The following MAP3K20 variants were observed in gnomAD, a reference collection of about 807,000 sequenced individuals.
The protein encoded by MAP3K20 is mitogen-activated protein kinase kinase kinase 20, also known as HCCS-4.
MAP3K20 carries 40 observed loss-of-function variants against 85.7 expected under a neutral mutation model. That is an observed-to-expected ratio of 0.47 (90% CI 0.36 to 0.61). The LOEUF is 0.61. Among genes scored for constraint, MAP3K20 ranks in the 20% least tolerant of loss-of-function variants. The probability of loss-of-function intolerance (pLI) is 0.00; values close to 1 mark genes in which losing one functional copy is unlikely to be tolerated. For missense variants in MAP3K20, 817 were observed against 961.7 expected (o/e 0.85, Z 1.99); for synonymous variants, 325 against 327.7 (o/e 0.99, Z 0.09).
chr2:173,218,692 C>A (rs1385466319), intron 11 of MAP3K20, among the ~76,000 whole-genome samples: 1 of 152,238 alleles, frequency 6.6e-6, no homozygotes, highest in African/African-American at 2.4e-5. Context: ...TAAAGCATTG[C>A]ATGGCTTGAC....
chr2:173,239,310 A>G (rs753557954), intron 15 of MAP3K20, 94 bp from the exon 16 acceptor site: 17 of 524,672 alleles, frequency 3.2e-5, no homozygotes, highest in Admixed American at 5.0e-5. Flanking sequence ...ATTAGAATAG[A>G]AAAAAAAAAA....
intron 2 of MAP3K20, among the ~76,000 whole-genome samples, chr2:173,132,454 G>A (rs556577174): frequency 2.6e-5 from 4 of 152,090 alleles, no homozygotes; most frequent in Admixed American, 6.5e-5. Context: ...GTGCTTTTTC[G>A]GACTCCAGCT....
At chr2:173,221,397 A>T (rs1348131240) in intron 11 of MAP3K20, 1 of 1,614,106 alleles carries the variant, frequency 6.2e-7, no homozygotes, top group East Asian at 2.2e-5. Context: ...AATTCTTCCA[A>T]AACCACATCT....
intron 11 of MAP3K20, 57 bp downstream of exon 11, chr2:173,217,307 A>G: frequency 7.3e-7 from 1 of 1,372,024 alleles, no homozygotes. Flanking sequence ...TGCGCAGCTG[A>G]GCATGGCAGC....
intron 11 of MAP3K20, chr2:173,221,898 T>G (rs1684262162): frequency 1.0e-6 from 1 of 993,286 alleles, no homozygotes; most frequent in African/African-American, 1.7e-5. Context: ...TTTTAAAAAC[T>G]TACATTTTGA....
At chr2:173,228,850 G>A (rs1684453095) in intron 11 of MAP3K20, among the ~76,000 whole-genome samples, 1 of 152,072 alleles carries the variant, frequency 6.6e-6, no homozygotes, top group Admixed American at 6.5e-5. Flanking sequence ...GAAAATATTT[G>A]TAACAGAAGA....
At chr2:173,114,145 C>G (rs2106178451) in intron 2 of MAP3K20, among the ~76,000 whole-genome samples, 1 of 151,928 alleles carries the variant, frequency 6.6e-6, no homozygotes, top group East Asian at 1.9e-4. Context: ...ATCTAATGTC[C>G]CTCTTTGTCT....
intron 2 of MAP3K20, among the ~76,000 whole-genome samples, chr2:173,141,510 A>G (rs541848806): frequency 6.6e-6 from 1 of 152,314 alleles, no homozygotes; most frequent in South Asian, 2.1e-4. Flanking sequence ...ACAGATTAAT[A>G]TAATTTATCA....
intron 11 of MAP3K20, chr2:173,225,741 A>G: frequency 3.0e-6 from 3 of 985,360 alleles, no homozygotes; most frequent in Non-Finnish European, 3.6e-6. Flanking sequence ...ATGTATTTTT[A>G]GAATTACGGC....
chr2:173,149,424 A>T (rs1387771891), intron 2 of MAP3K20, among the ~76,000 whole-genome samples: 1 of 146,938 alleles, frequency 6.8e-6, no homozygotes, highest in African/African-American at 2.4e-5. Context: ...GTAACATAAG[A>T]TGTTAACAAT....
intron 1 of MAP3K20, among the ~76,000 whole-genome samples, chr2:173,087,762 A>C (rs927209893): frequency 1.3e-5 from 2 of 152,244 alleles, no homozygotes; most frequent in South Asian, 4.1e-4. Flanking sequence ...TTGTATGCCC[A>C]ACCAGGCTAC....
At chr2:173,107,222 G>A (rs1465461762) in intron 2 of MAP3K20, among the ~76,000 whole-genome samples, 1 of 152,138 alleles carries the variant, frequency 6.6e-6, no homozygotes, top group African/African-American at 2.4e-5. Context: ...GTAATGAGGG[G>A]CTCCCCACCA....
intron 3 of MAP3K20, among the ~76,000 whole-genome samples, chr2:173,182,531 A>G (rs1559266938): frequency 2.0e-5 from 3 of 152,196 alleles, no homozygotes; most frequent in Non-Finnish European, 4.4e-5. Flanking sequence ...AAGAATAACA[A>G]CTTTTAAAGA....
chr2:173,241,050 A>G (rs2106338910), intron 16 of MAP3K20, among the ~76,000 whole-genome samples: 1 of 152,326 alleles, frequency 6.6e-6, no homozygotes, highest in African/African-American at 2.4e-5. Context: ...ACTTGAACTC[A>G]TGGAGATAGT....
rs1684543703 is a variant in MAP3K20 at position 173,232,404 on chromosome 2, A to G, written c.1148A>G (p.Glu383Gly). ...ITGKRLLLLEEEDLKDMGIVS... is the reference protein window; with the variant it reads ...ITGKRLLLLEGEDLKDMGIVS... ...GGGAAGCGGCTGCTGCTGCTGGAGG[A>G]AGAAGACCTGAAAGACATGGGCATT... is the stretch of plus-strand genomic sequence containing the variant. Residue 383 changes from glutamate (E) to glycine (G), a missense_variant, in exon 14 of 20, where the codon GAA becomes GGA. By Grantham distance (98) the Glu-to-Gly change is moderately conservative. This residue lies in a region of MAP3K20 where 158 missense variants were observed against 162.0 expected (regional missense o/e 0.98). Transcript: ENST00000375213. 6 of 1,614,110 alleles carry G rather than the reference A, an allele frequency of 3.7e-6. No homozygotes were observed. The South Asian group carries it at 6.6e-5, about 18-fold the overall frequency.
chr2:173,194,849 A>G (rs1690775817), intron 7 of MAP3K20, among the ~76,000 whole-genome samples: 1 of 152,204 alleles, frequency 6.6e-6, no homozygotes, highest in African/African-American at 2.4e-5. Context: ...GTAAGAATTT[A>G]GCCCCTACTA....
rs542933336 is a variant in MAP3K20 at position 173,216,730 on chromosome 2, CCTATA to C, written c.852-380_852-376del. Reference sequence around the variant, plus strand: ...ACCTAACCTGAATATCATTTTCCCACCTATACTATGAGATTAATACCTGTTTCTTG... The same window carrying C: ...ACCTAACCTGAATATCATTTTCCCACCTATGAGATTAATACCTGTTTCTTG... On this transcript the variant is annotated intron_variant, in intron 10 of 19. Transcript: ENST00000375213. 3.9e-4 allele frequency among the ~76,000 whole-genome samples: 60 copies of C among 152,252 alleles called. No individual in the cohort carries two copies. In the South Asian group the frequency reaches 0.012, roughly 30 times the overall value.
intron 2 of MAP3K20, among the ~76,000 whole-genome samples, chr2:173,165,966 G>A (rs980872328): frequency 6.6e-6 from 1 of 152,094 alleles, no homozygotes; most frequent in Admixed American, 6.6e-5. Flanking sequence ...ATGAGTCCCC[G>A]TGCCTGGCCA....
At chr2:173,089,281 TTC>T (rs986329617) in intron 1 of MAP3K20, among the ~76,000 whole-genome samples, 1 of 152,182 alleles carries the variant, frequency 6.6e-6, no homozygotes, top group African/African-American at 2.4e-5. Context: ...CACACTTGCT[TTC>T]TCTCTCCCTC....
Sources: allele counts gnomAD v4.1 joint callset (sites outside exome capture counted in the v4.1 genomes callset), GRCh38; gene constraint gnomAD v4.1.1; regional missense constraint gnomAD v4.1.1; transcripts MANE v1.5; gene names NCBI Gene and HGNC (gene_info 2026-07-23, HGNC 2026-07-21).